Variants in TLR2 observed in about 807,000 individuals in gnomAD.
TLR2 encodes toll like receptor 2.
TLR2 carries 7 observed loss-of-function variants against 9.1 expected under a neutral mutation model. The observed-to-expected ratio is 0.77, with a 90% CI of 0.44 to 1.44. The LOEUF (loss-of-function observed/expected upper bound fraction) is 1.44, where lower values mean the gene tolerates loss of function less well. TLR2 is among the 40% of genes most tolerant of loss of function. TLR2 has a pLI of 0.01. For missense variants in TLR2, 812 were observed against 904.6 expected (o/e 0.90, Z 1.31); for synonymous variants, 317 against 344.6 (o/e 0.92, Z 0.89).
At chr4:153,689,389 G>C (rs1044134635) in intron 2 of TLR2, among the ~76,000 whole-genome samples, 2 of 152,178 alleles carry the variant, frequency 1.3e-5, no homozygotes, top group Non-Finnish European at 2.9e-5. Flanking sequence ...GTTTAGACCA[G>C]CTAAACATAG....
chr4:153,696,216 G>A (rs1736485232), intron 2 of TLR2, among the ~76,000 whole-genome samples: 1 of 152,134 alleles, frequency 6.6e-6, no homozygotes, highest in Non-Finnish European at 1.5e-5. Context: ...TTTCTGTGAA[G>A]AATGTCATTG....
intron 2 of TLR2, among the ~76,000 whole-genome samples, chr4:153,693,143 C>A (rs1181848382): frequency 6.6e-6 from 1 of 152,172 alleles, no homozygotes; most frequent in African/African-American, 2.4e-5. Context: ...GTAGATATAA[C>A]AATTTGAATT....
At chr4:153,700,686 A>C (rs1375182949) in intron 2 of TLR2, among the ~76,000 whole-genome samples, 1 of 152,228 alleles carries the variant, frequency 6.6e-6, no homozygotes, top group Non-Finnish European at 1.5e-5. Context: ...GAACTCTATT[A>C]AGTGTATATC....
chr4:153,708,304 G>C (rs966432190), downstream of TLR2, among the ~76,000 whole-genome samples: 2 of 152,104 alleles, frequency 1.3e-5, no homozygotes, highest in Non-Finnish European at 2.9e-5. Context: ...ATCAGTTTAA[G>C]GGTTCTTTTT....
chr4:153,689,540 A>G (rs1735958253), intron 2 of TLR2, among the ~76,000 whole-genome samples: 2 of 152,198 alleles, frequency 1.3e-5, no homozygotes, highest in African/African-American at 2.4e-5. Context: ...AAGTATGTTC[A>G]TTATTTCTGG....
rs1411329660 is a variant in TLR2 at position 153,704,649 on chromosome 4, C to T, written c.1742C>T (p.Ser581Leu). The change falls in exon 3 of 3, where the codon TCG (serine) becomes TTG (leucine). Residue 581 changes from serine (S) to leucine (L), a missense_variant. Physicochemically the swap from Ser to Leu is moderately radical, Grantham distance 145. Coordinates refer to ENST00000642700, the MANE Select transcript of TLR2 (RefSeq NM_001318789.2). ...CAGCAGGTTCAGGATGTCCGCCTCT[C>T]GGTGTCGGAATGTCACAGGACAGCA... ...RGQQVQDVRL[S>L]VSECHRTALV... The T allele has an allele frequency of 6.8e-6, 11 of 1,613,292 alleles. No individual in the cohort carries two copies. The highest frequency in any genetic ancestry group is 4.5e-5 in the East Asian group (2 of 44,872).
Position 153,704,127 on chromosome 4 carries a change from A to G in TLR2, c.1220A>G (p.Glu407Gly). ...TTGGCATCATTGGAAAAAACCGGAG[A>G]GACTTTGCTCACTCTGAAAAACTTG... is the stretch of plus-strand genomic sequence containing the variant. ...NHLASLEKTG[E>G]TLLTLKNLTN... Residue 407 changes from glutamate (E) to glycine (G), a missense_variant, in exon 3 of 3, where the codon GAG becomes GGG. Glu to Gly is a moderately conservative substitution (Grantham distance 98). Coordinates refer to ENST00000642700, the MANE Select transcript of TLR2 (RefSeq NM_001318789.2). 6.2e-7 allele frequency: 1 copy of G among 1,613,890 alleles called. No homozygotes were observed. Among genetic ancestry groups the G allele is most frequent in the Non-Finnish European group, 8.5e-7 (1 of 1,179,980 alleles).
downstream of TLR2, among the ~76,000 whole-genome samples, chr4:153,708,186 T>G (rs1350777612): frequency 6.6e-6 from 1 of 152,248 alleles, no homozygotes; most frequent in African/African-American, 2.4e-5. Context: ...TGAGGGTCAT[T>G]GTGAATCCCA....
At chr4:153,697,104 T>C (rs773531167) in intron 2 of TLR2, among the ~76,000 whole-genome samples, 1 of 151,858 alleles carries the variant, frequency 6.6e-6, no homozygotes, top group Non-Finnish European at 1.5e-5. Context: ...TATAAGAAAG[T>C]TGTAGAAGGT....
At position 153,703,503 on chromosome 4, in the gene TLR2, A is replaced by C; in HGVS notation, c.596A>C (p.Asn199Thr). Residue 199 changes from asparagine (N) to threonine (T), a missense_variant, in exon 3 of 3, where the codon AAT becomes ACT. Transcript: ENST00000642700. ...CCAAAAAGTTTGAAGTCAATTCAGA[A>C]TGTAAGTCATCTGATCCTTCATATG... ...YEPKSLKSIQ[N>T]VSHLILHMKQ... The C allele has an allele frequency of 1.9e-6, 3 of 1,613,892 alleles. No homozygotes were observed. Among genetic ancestry groups the C allele is most frequent in the Non-Finnish European group, 2.5e-6 (3 of 1,179,916 alleles).
chr4:153,702,197 T>G (rs1405590493), intron 2 of TLR2: 1 of 152,254 alleles, frequency 6.6e-6, no homozygotes, highest in Non-Finnish European at 1.5e-5. Flanking sequence ...CCATCCAGAC[T>G]TAAACACTGC....
rs141605367 is a variant in TLR2, at chr4:153,702,762, TTGTGTGTGTGTGTGTGTGTGTGTG to T, written c.-16-108_-16-85del. 2.3e-4 allele frequency: 97 copies of T among 417,170 alleles called. 1 individual carries two copies. The highest frequency in any genetic ancestry group is 1.9e-3 in the Middle Eastern group (3 of 1,556). The allele number at this position is 417,170 out of a possible 1,614,324, so 25.8% of individuals were successfully genotyped here. On this transcript the variant is annotated intron_variant, in intron 2 of 2. Transcript: ENST00000642700. The stretch of plus-strand genomic sequence containing the variant: ...CATCTGTTTCTCTCTCTCTCTCTCT[TTGTGTGTGTGTGTGTGTGTGTGTG>T]TGTGTGTGTGTGTGTGTGTGTTATG...
intron 1 of TLR2, among the ~76,000 whole-genome samples, chr4:153,684,883 G>A (rs537263543): frequency 1.7e-4 from 26 of 152,188 alleles, no homozygotes; most frequent in African/African-American, 6.0e-4. Flanking sequence ...CTGATTCCCG[G>A]TAGGGTCGCT....
rs895243188 is a variant in TLR2, at chr4:153,703,412, G to C, written c.505G>C (p.Asp169His). Residue 169 changes from aspartate to histidine, a missense_variant, in exon 3 of 3, where the codon GAT becomes CAT. Coordinates refer to ENST00000642700, the MANE Select transcript of TLR2 (RefSeq NM_001318789.2). ...CACCTTCACTAAGATTCAAAGAAAA[G>C]ATTTTGCTGGACTTACCTTCCTTGA... is the stretch of plus-strand genomic sequence containing the variant. ...MDTFTKIQRK[D>H]FAGLTFLEEL... The C allele has an allele frequency of 2.5e-6, 4 of 1,613,964 alleles. No individual in the cohort carries two copies. Among genetic ancestry groups the C allele is most frequent in the Non-Finnish European group, 3.4e-6 (4 of 1,180,018 alleles).
rs772706167 is a variant in TLR2, at chr4:153,704,129, A to C, written c.1222A>C (p.Thr408Pro). The C allele has an allele frequency of 1.2e-6, 2 of 1,613,702 alleles. No homozygotes were observed. The highest frequency in any genetic ancestry group is 2.2e-5 in the South Asian group (2 of 90,934). Residue 408 changes from threonine to proline, a missense_variant, in exon 3 of 3, where the codon ACT becomes CCT. By Grantham distance (38) the Thr-to-Pro change is conservative. Coordinates refer to ENST00000642700, the MANE Select transcript of TLR2 (RefSeq NM_001318789.2). The part of the protein sequence containing the change: ...HLASLEKTGE[T>P]LLTLKNLTNI... The stretch of plus-strand genomic sequence containing the variant: ...GGCATCATTGGAAAAAACCGGAGAG[A>C]CTTTGCTCACTCTGAAAAACTTGAC...
At chr4:153,684,546 A>G (rs965206298) in intron 1 of TLR2, among the ~76,000 whole-genome samples, 186 bp downstream of exon 1, 1 of 152,138 alleles carries the variant, frequency 6.6e-6, no homozygotes, top group African/African-American at 2.4e-5. Flanking sequence ...GGCCCCCGGG[A>G]CGCCGGTGCT....
chr4:153,699,332 C>A (rs1329376879), intron 2 of TLR2, among the ~76,000 whole-genome samples: 1 of 152,212 alleles, frequency 6.6e-6, no homozygotes, highest in Non-Finnish European at 1.5e-5. Context: ...CCATAACCAA[C>A]TGAAAATTTG....
Position 153,703,101 on chromosome 4 carries a change from C to T in TLR2, c.194C>T (p.Thr65Ile). 1.9e-6 allele frequency: 3 copies of T among 1,614,088 alleles called. No homozygotes were observed. The highest frequency in any genetic ancestry group is 2.5e-6 in the Non-Finnish European group (3 of 1,180,004). The change falls in exon 3 of 3, where the codon ACC becomes ATC. Residue 65 changes from threonine to isoleucine, a missense_variant. Transcript: ENST00000642700. The part of the protein sequence containing the change: ...KSLDLSNNRI[T>I]YISNSDLQRC... ...CTTGACCTGTCCAACAACAGGATCA[C>T]CTACATTAGCAACAGTGACCTACAG... is the stretch of plus-strand genomic sequence containing the variant.
At chr4:153,698,090 CA>C (rs1340731474) in intron 2 of TLR2, among the ~76,000 whole-genome samples, 2 of 152,048 alleles carry the variant, frequency 1.3e-5, no homozygotes, top group Admixed American at 6.6e-5. Context: ...GACAAACAAC[CA>C]AACAAAAATC....
Sources: gnomAD v4.1 joint callset for allele counts (sites outside exome capture counted in the v4.1 genomes callset) on GRCh38, gnomAD v4.1.1 for gene constraint, MANE v1.5 for transcripts, NCBI Gene and HGNC (gene_info 2026-07-23, HGNC 2026-07-21) for gene names.